NLRP5: variants seen among roughly 807,000 people sequenced by gnomAD.
The protein encoded by NLRP5 is NACHT, LRR and PYD domains-containing protein 5.
Under a neutral mutation model 113.1 loss-of-function variants are expected in NLRP5, and 93 were observed. The observed-to-expected ratio is 0.82, with a 90% CI of 0.70 to 0.98. The LOEUF (loss-of-function observed/expected upper bound fraction) is 0.98. NLRP5 is among the 50% of genes least tolerant of loss of function. NLRP5 has a pLI of 0.00. For missense variants in NLRP5, 1,808 were observed against 1,514.3 expected, an observed-to-expected ratio of 1.19 and a Z score of -3.22; for synonymous variants, 751 against 600.7, an observed-to-expected ratio of 1.25 and a Z score of -3.66.
the NLRP5 span, among the ~76,000 whole-genome samples, chr19:55,991,825 A>AG: frequency 1.3e-5 from 2 of 152,234 alleles, no homozygotes; most frequent in Non-Finnish European, 2.9e-5. Context: ...TATAAAGAAT[A>AG]GGGAGAGAGT....
In NLRP5 at chr19:56,032,829, C is replaced by T. The variant is rs750603990; in HGVS notation, c.2447+48C>T. On this transcript the variant is annotated intron_variant, in intron 8 of 14. Coordinates refer to ENST00000390649, the MANE Select transcript of NLRP5 (RefSeq NM_153447.4). ...AGAGAATCCCTTCCCATGACGCTAT[C>T]CCAGCTCTCCCCTACCTCCTGAGAG... 3.3e-5 allele frequency: 50 copies of T among 1,530,328 alleles called. No homozygotes were observed. The South Asian group carries it at 5.8e-4, about 18-fold the overall frequency. The allele number at this position is 1,530,328 out of a possible 1,614,324, so 94.8% of individuals were successfully genotyped here. A position where few individuals can be genotyped will look rare whatever the true frequency, so the allele number is the denominator to read the frequency against.
Position 56,026,488 on chromosome 19 carries a change from A to G in NLRP5, c.680-425A>G, listed in dbSNP as rs1166556846. ...CGTTGCAGTGAGCTGAGATTGCGCC[A>G]CTGCACTCCAGCCTGGGTGACAGAG... On this transcript the variant is annotated intron_variant, in intron 6 of 14. Transcript: ENST00000390649. Among the ~76,000 whole-genome samples the G allele has an allele frequency of 3.3e-5, 4 of 120,946 alleles. No individual in the cohort carries two copies. The East Asian group carries it at 1.1e-3, about 33-fold the overall frequency. 79.3% of individuals were successfully genotyped at this position (120,946 alleles called of 152,430 possible). A position where few individuals can be genotyped will look rare whatever the true frequency, so the allele number is the denominator to read the frequency against.
chr19:56,030,874 C>T (rs1310232582), intron 7 of NLRP5, among the ~76,000 whole-genome samples: 16 of 151,776 alleles, frequency 1.1e-4, no homozygotes, highest in Non-Finnish European at 2.2e-4. Flanking sequence ...CCACCACACC[C>T]GGCTAACTTT....
chr19:56,041,142 C>T lies in NLRP5; in HGVS notation c.2957+50C>T, dbSNP rs1325232440. Reference sequence around the variant, plus strand: ...AGGACTTCCTAGCTTTCTAACATAGCATGGTGTAGCTCTCAAAGCAGAAGG... The same window carrying T: ...AGGACTTCCTAGCTTTCTAACATAGTATGGTGTAGCTCTCAAAGCAGAAGG... On this transcript the variant is annotated intron_variant, in intron 11 of 14. Transcript: ENST00000390649. 6 of 1,577,292 alleles carry T rather than the reference C, an allele frequency of 3.8e-6. No homozygotes were observed. In the Admixed American group the frequency reaches 5.1e-5, roughly 13 times the overall value.
intron 9 of NLRP5, 74 bp downstream of exon 9, chr19:56,033,783 C>G: frequency 7.5e-7 from 1 of 1,335,808 alleles, no homozygotes; most frequent in Non-Finnish European, 1.0e-6. Context: ...CATAAAGTGG[C>G]AAAAATTAAA....
chr19:56,042,568 T>A, intron 11 of NLRP5, among the ~76,000 whole-genome samples: 1 of 150,942 alleles, frequency 6.6e-6, no homozygotes, highest in African/African-American at 2.4e-5. Context: ...AGGCTTGTCT[T>A]GAACTCCTGA....
intron 10 of NLRP5, among the ~76,000 whole-genome samples, chr19:56,039,586 C>T (rs1432197812): frequency 6.6e-6 from 1 of 152,206 alleles, no homozygotes; most frequent in Non-Finnish European, 1.5e-5. Flanking sequence ...ATGTAGCAGA[C>T]TGTTTCTGGA....
At chr19:56,014,471 T>A (rs1982329349) in intron 3 of NLRP5, among the ~76,000 whole-genome samples, 1 of 103,780 alleles carries the variant, frequency 9.6e-6, no homozygotes, top group South Asian at 3.1e-4. Context: ...AGAGAAACGC[T>A]CCATCTCAAA....
chr19:56,008,180 A>G (rs12460020), intron 2 of NLRP5, among the ~76,000 whole-genome samples: 78,157 of 150,442 alleles, frequency 0.52, 22,081 homozygotes, highest in Non-Finnish European at 0.64. Context: ...CACCTGCCTC[A>G]GCCTCCTAAA....
chr19:56,039,546 G>A (rs58521241), intron 10 of NLRP5, among the ~76,000 whole-genome samples: 8,928 of 152,192 alleles, frequency 0.059, 399 homozygotes, highest in African/African-American at 0.13. Flanking sequence ...TTCACTCCAA[G>A]TTCTCTTTAC....
In NLRP5 at chr19:56,028,324, A is replaced by G. The variant is rs1466373648; in HGVS notation, c.2091A>G (p.Lys697=). The change falls in exon 7 of 15, where the codon AAA becomes AAG. Residue 697 remains lysine, a synonymous_variant. Coordinates refer to ENST00000390649, the MANE Select transcript of NLRP5 (RefSeq NM_153447.4). ...ACTGTCTTTTCGAGACTCAAGACAAAGAGTTTGTTCGCTTGGCATTAAACA... is the reference window on the plus strand; with the variant it reads ...ACTGTCTTTTCGAGACTCAAGACAAGGAGTTTGTTCGCTTGGCATTAAACA... 1 of 1,613,790 alleles carries G rather than the reference A, an allele frequency of 6.2e-7. No homozygotes were observed. The highest frequency in any genetic ancestry group is 1.3e-5 in the African/African-American group (1 of 74,904).
At chr19:56,018,085 T>G (rs1982476723) in intron 4 of NLRP5, among the ~76,000 whole-genome samples, 1 of 152,244 alleles carries the variant, frequency 6.6e-6, no homozygotes, top group African/African-American at 2.4e-5. Context: ...CACAATGGGT[T>G]ATTGAAGGCA....
chr19:56,007,054 T>A (rs956455030), intron 2 of NLRP5, among the ~76,000 whole-genome samples: 1 of 151,304 alleles, frequency 6.6e-6, no homozygotes, highest in Non-Finnish European at 1.5e-5. Context: ...TAAAATTTTT[T>A]AAAAATTGTA....
chr19:56,024,387 CAT>C (rs980327177), intron 6 of NLRP5, among the ~76,000 whole-genome samples: 9 of 116,008 alleles, frequency 7.8e-5, no homozygotes, highest in African/African-American at 1.7e-4. Context: ...GTATATATAA[CAT>C]ATATACATAT....
chr19:56,059,877 T>C (rs1984289456), intron 14 of NLRP5, among the ~76,000 whole-genome samples: 1 of 152,202 alleles, frequency 6.6e-6, no homozygotes, highest in African/African-American at 2.4e-5. Flanking sequence ...GTAACTGTTT[T>C]CTCCAGTATG....
At chr19:56,015,721 C>T (rs948697400) in intron 3 of NLRP5, 21 bp from the exon 4 acceptor site, 2 of 1,550,018 alleles carry the variant, frequency 1.3e-6, no homozygotes, top group Admixed American at 2.0e-5. Context: ...TGTGTTTATT[C>T]TTCTCCCTTC....
At chr19:56,042,707 G>T (rs952107458) in intron 11 of NLRP5, among the ~76,000 whole-genome samples, 1 of 152,172 alleles carries the variant, frequency 6.6e-6, no homozygotes, top group South Asian at 2.1e-4. Flanking sequence ...CACTCAAGCA[G>T]TGTACACTGC....
rs1397057325 is a variant in NLRP5, at chr19:56,043,969, C to A, written c.2957+2877C>A. 2.0e-5 allele frequency among the ~76,000 whole-genome samples: 3 copies of A among 151,508 alleles called. No homozygotes were observed. In the South Asian group the frequency reaches 6.2e-4, roughly 32 times the overall value. ...TTTTTATTGCATTCACTTTTGGGTT[C>A]TTGGTCATGAAATCCTTGCCTAAGC... On this transcript the variant is annotated intron_variant, in intron 11 of 14. Transcript: ENST00000390649.
intron 13 of NLRP5, among the ~76,000 whole-genome samples, chr19:56,057,224 A>G (rs755218667): frequency 1.5e-4 from 23 of 152,204 alleles, no homozygotes; most frequent in Admixed American, 5.2e-4. Flanking sequence ...AATCATTAGT[A>G]TTTTAGTATA....
Sources: gnomAD v4.1 joint callset for allele counts (sites outside exome capture counted in the v4.1 genomes callset) on GRCh38, gnomAD v4.1.1 for gene constraint, MANE v1.5 for transcripts, NCBI Gene and HGNC (gene_info 2026-07-23, HGNC 2026-07-21) for gene names.